The following PCDH7 variants were observed in gnomAD, a reference collection of about 807,000 sequenced individuals.
PCDH7 encodes the protein protocadherin-7.
In PCDH7, 17 loss-of-function variants were observed where a neutral mutation model predicts 58.9. The observed-to-expected ratio is 0.29, with a 90% confidence interval of 0.20 to 0.43. PCDH7 has a LOEUF of 0.43. Among genes scored for constraint, PCDH7 ranks in the 20% least tolerant of loss-of-function variants. The pLI, the probability that PCDH7 is intolerant of heterozygous loss-of-function variation, is 1.00. For synonymous variants in PCDH7, 664 were observed against 616.4 expected (o/e 1.08, Z -1.14); for missense variants, 1,274 against 1,441.0 (o/e 0.88, Z 1.88).
intron 1 of PCDH7, among the ~76,000 whole-genome samples, chr4:30,882,509 C>G (rs1737115850): frequency 6.6e-6 from 1 of 152,120 alleles, no homozygotes. Context: ...GTCTTATCCT[C>G]CCAAAGTGCT....
intron 1 of PCDH7, among the ~76,000 whole-genome samples, chr4:30,867,259 G>A (rs1350736869): frequency 1.3e-5 from 2 of 152,042 alleles, no homozygotes; most frequent in Non-Finnish European, 2.9e-5. Flanking sequence ...GTCTCTGTAT[G>A]CTAAGGGAGA....
At chr4:30,839,597 G>A (rs773782427) in intron 1 of PCDH7, among the ~76,000 whole-genome samples, 5 of 152,092 alleles carry the variant, frequency 3.3e-5, no homozygotes, top group African/African-American at 7.2e-5. Context: ...CACCCAATAA[G>A]TCACTCTATG....
chr4:30,968,362 TATATATAC>T (rs1560541454), intron 3 of PCDH7, among the ~76,000 whole-genome samples: 4 of 108,096 alleles, frequency 3.7e-5, no homozygotes, highest in African/African-American at 1.3e-4. Context: ...ACACACACTA[TATATATAC>T]ACACACTATA....
At chr4:30,869,672 C>T (rs1735307891) in intron 1 of PCDH7, among the ~76,000 whole-genome samples, 1 of 152,134 alleles carries the variant, frequency 6.6e-6, no homozygotes, top group Non-Finnish European at 1.5e-5. Context: ...GTTTCTTTAT[C>T]CAGTCTATCA....
At chr4:30,743,070 TATA>T (rs1717290635) in intron 1 of PCDH7, among the ~76,000 whole-genome samples, 1 of 152,148 alleles carries the variant, frequency 6.6e-6, no homozygotes, top group Admixed American at 6.5e-5. Flanking sequence ...TATTGATTAA[TATA>T]ATATCGATTA....
At chr4:30,775,606 A>G (rs1367309952) in intron 1 of PCDH7, among the ~76,000 whole-genome samples, 3 of 152,138 alleles carry the variant, frequency 2.0e-5, no homozygotes, top group African/African-American at 7.2e-5. Flanking sequence ...TCATTCAGCT[A>G]TTATAAGATA....
At chr4:30,756,560 C>T (rs962677824) in intron 1 of PCDH7, among the ~76,000 whole-genome samples, 8 of 152,180 alleles carry the variant, frequency 5.3e-5, no homozygotes, top group Non-Finnish European at 7.4e-5. Context: ...ACGGTACAAC[C>T]TCTTCTTATC....
At chr4:30,782,171 C>T (rs77919666) in intron 1 of PCDH7, among the ~76,000 whole-genome samples, 3,905 of 152,184 alleles carry the variant, frequency 0.026, 73 homozygotes, top group Non-Finnish European at 0.039. Flanking sequence ...AGCTTCTTAA[C>T]ACTTTTTTTA....
intron 3 of PCDH7, among the ~76,000 whole-genome samples, chr4:30,964,838 GT>G (rs933780138): frequency 7.2e-5 from 11 of 152,068 alleles, no homozygotes; most frequent in Middle Eastern, 3.2e-3. Context: ...GGTTTTGTTG[GT>G]TTGTTTTTTG....
At chr4:31,013,064 G>A (rs949428502) in intron 3 of PCDH7, among the ~76,000 whole-genome samples, 12 of 150,324 alleles carry the variant, frequency 8.0e-5, no homozygotes, top group African/African-American at 2.7e-4. Flanking sequence ...GCACATGGCT[G>A]TAGTCCCAAA....
intron 3 of PCDH7, among the ~76,000 whole-genome samples, chr4:30,985,882 C>A (rs1750922834): frequency 6.6e-6 from 1 of 152,120 alleles, no homozygotes; most frequent in Admixed American, 6.5e-5. Flanking sequence ...GTCTTTTCAT[C>A]AAATTTTATC....
intron 3 of PCDH7, among the ~76,000 whole-genome samples, chr4:30,973,657 G>T (rs1336366922): frequency 1.3e-5 from 2 of 152,024 alleles, no homozygotes; most frequent in Non-Finnish European, 2.9e-5. Flanking sequence ...AACTCCATTG[G>T]GGCAAAATAT....
At chr4:31,083,988 TATC>T (rs1711972660) in intron 3 of PCDH7, among the ~76,000 whole-genome samples, 1 of 152,240 alleles carries the variant, frequency 6.6e-6, no homozygotes, top group Non-Finnish European at 1.5e-5. Context: ...ATTTATTAAA[TATC>T]ATGTGTTCTG....
At chr4:31,055,645 C>T (rs1011854365) in intron 3 of PCDH7, among the ~76,000 whole-genome samples, 16 of 151,958 alleles carry the variant, frequency 1.1e-4, no homozygotes, top group Admixed American at 4.6e-4. Flanking sequence ...GGCATGATCT[C>T]GGCTCGCTGC....
intron 3 of PCDH7, among the ~76,000 whole-genome samples, chr4:31,132,132 A>G (rs1417661662): frequency 6.6e-6 from 1 of 152,186 alleles, no homozygotes; most frequent in African/African-American, 2.4e-5. Flanking sequence ...ATTCGATTTA[A>G]CATATTTGTA....
At chr4:30,854,867 G>A (rs1490427753) in intron 1 of PCDH7, among the ~76,000 whole-genome samples, 2 of 151,942 alleles carry the variant, frequency 1.3e-5, no homozygotes, top group South Asian at 2.1e-4. Flanking sequence ...TAAAATTTAC[G>A]TTCTATGTAA....
chr4:30,974,246 C>CTTCCTTTCCTTTCCT (rs6148377), intron 3 of PCDH7, among the ~76,000 whole-genome samples: 3,105 of 129,290 alleles, frequency 0.024, 135 homozygotes, highest in African/African-American at 0.056. Flanking sequence ...TTCTTTCTTT[C>CTTCCTTTCCTTTCCT]TTCCTTTCCT....
rs1577515076 is a variant in PCDH7, at chr4:30,721,346, A to G, written c.-77A>G. 3 of 1,345,214 alleles carry G rather than the reference A, an allele frequency of 2.2e-6. No individual in the cohort carries two copies. The highest frequency in any genetic ancestry group is 2.9e-6 in the Non-Finnish European group (3 of 1,020,392). 83.3% of individuals were successfully genotyped at this position (1,345,214 alleles called of 1,614,324 possible). A position where few individuals can be genotyped will look rare whatever the true frequency, so the allele number is the denominator to read the frequency against. On this transcript the variant is annotated 5_prime_UTR_variant, in exon 1 of 2. Transcript: ENST00000361762. This position sits in a 1 kb window ranked among gnomAD's most constrained non-coding sequence, Gnocchi z 6.7. ...GAGGGGAGAGGACTCGGGGGAGGGC[A>G]GGCGGCCGGCCCCGGAGGAGGGGGG... is the stretch of plus-strand genomic sequence containing the variant.
chr4:31,139,272 T>C (rs1264517808), intron 3 of PCDH7, among the ~76,000 whole-genome samples: 1 of 152,186 alleles, frequency 6.6e-6, no homozygotes, highest in Admixed American at 6.5e-5. Flanking sequence ...TGGAAAATGC[T>C]TACAGAGAAT....
Sources: allele counts gnomAD v4.1 joint callset (sites outside exome capture counted in the v4.1 genomes callset), GRCh38; gene constraint gnomAD v4.1.1; non-coding constraint Gnocchi (gnomAD v3.1); transcripts MANE v1.5; gene names NCBI Gene and HGNC (gene_info 2026-07-23, HGNC 2026-07-21).